DUSP10: variants seen among roughly 807,000 people sequenced by gnomAD.
The protein encoded by DUSP10 is dual specificity protein phosphatase 10.
DUSP10 carries 14 observed loss-of-function variants against 30.8 expected under a neutral mutation model. That is an observed-to-expected ratio of 0.46 (90% CI 0.30 to 0.71). DUSP10 has a LOEUF of 0.71. Among genes scored for constraint, DUSP10 ranks in the 30% least tolerant of loss-of-function variants. The probability of loss-of-function intolerance (pLI) is 0.08; values close to 1 mark genes in which losing one functional copy is unlikely to be tolerated. For synonymous variants in DUSP10, 254 were observed against 250.4 expected, an observed-to-expected ratio of 1.01 and a Z score of -0.14; for missense variants, 550 against 619.4, an observed-to-expected ratio of 0.89 and a Z score of 1.19.
intron 2 of DUSP10, among the ~76,000 whole-genome samples, chr1:221,733,763 A>G (rs1030118938): frequency 6.6e-6 from 1 of 152,272 alleles, no homozygotes; most frequent in African/African-American, 2.4e-5. Context: ...CTAAAGGCAT[A>G]CAGTTGGTCA....
At chr1:221,731,000 A>G (rs1296050294) in intron 2 of DUSP10, among the ~76,000 whole-genome samples, 1 of 152,162 alleles carries the variant, frequency 6.6e-6, no homozygotes, top group East Asian at 1.9e-4. Context: ...TATAAAATGT[A>G]TATTTTTAAA....
At chr1:221,717,456 A>G (rs894725244) in intron 2 of DUSP10, among the ~76,000 whole-genome samples, 4 of 118,458 alleles carry the variant, frequency 3.4e-5, no homozygotes, top group African/African-American at 1.3e-4. Context: ...GGGGAAAAGA[A>G]ACAGAGAGAG....
At chr1:221,725,396 G>C (rs1661397075) in intron 2 of DUSP10, among the ~76,000 whole-genome samples, 1 of 152,096 alleles carries the variant, frequency 6.6e-6, no homozygotes, top group Non-Finnish European at 1.5e-5. Context: ...CCCAATCTTT[G>C]TAAGAGAGGG....
intron 2 of DUSP10, among the ~76,000 whole-genome samples, chr1:221,729,182 A>T (rs145425080): frequency 3.3e-5 from 5 of 152,222 alleles, no homozygotes; most frequent in African/African-American, 1.2e-4. Flanking sequence ...TTTATTCCTT[A>T]AAAAACTGTC....
At chr1:221,719,591 C>A (rs1259265408) in intron 2 of DUSP10, among the ~76,000 whole-genome samples, 1 of 152,180 alleles carries the variant, frequency 6.6e-6, no homozygotes, top group Non-Finnish European at 1.5e-5. Context: ...ATATTGTCAA[C>A]ATGGACTTGA....
intron 2 of DUSP10, among the ~76,000 whole-genome samples, chr1:221,731,600 CTTTTTTTTTT>C (rs917122714): frequency 8.4e-6 from 1 of 119,230 alleles, no homozygotes; most frequent in East Asian, 2.5e-4. Flanking sequence ...TAGGCTATTT[CTTTTTTTTTT>C]TTTTTTTTTT....
At chr1:221,723,935 A>G (rs1184440957) in intron 2 of DUSP10, among the ~76,000 whole-genome samples, 2 of 152,206 alleles carry the variant, frequency 1.3e-5, no homozygotes, top group Non-Finnish European at 2.9e-5. Context: ...GAACTAATAC[A>G]AAGCCCTGAC....
rs1283190490 is a variant in DUSP10, at chr1:221,727,008, A to G, written c.811+11926T>C. Among the ~76,000 whole-genome samples the G allele has an allele frequency of 7.9e-5, 12 of 152,164 alleles. No homozygotes were observed. The East Asian group carries it at 1.2e-3, about 15-fold the overall frequency. On this transcript the variant is annotated intron_variant, in intron 2 of 3. Transcript: ENST00000366899. ...TTCTACATATGTTATCTAATTCTCA[A>G]TTGAGCCCATGAGAAAAGAGCCATT...
chr1:221,711,251 C>G (rs1013049192), intron 2 of DUSP10, among the ~76,000 whole-genome samples: 2 of 152,192 alleles, frequency 1.3e-5, no homozygotes, highest in Non-Finnish European at 2.9e-5. Flanking sequence ...TAATGTGATT[C>G]AGAAGCAATG....
chr1:221,725,100 T>C (rs921729228), intron 2 of DUSP10, among the ~76,000 whole-genome samples: 2 of 152,124 alleles, frequency 1.3e-5, no homozygotes, highest in African/African-American at 2.4e-5. Context: ...CACTGAGTCA[T>C]TGAGCAACTG....
At chr1:221,705,267 G>C (rs1242147797) in intron 3 of DUSP10, among the ~76,000 whole-genome samples, 1 of 151,938 alleles carries the variant, frequency 6.6e-6, no homozygotes, top group African/African-American at 2.4e-5. Flanking sequence ...GCACCACCAC[G>C]CCTGGCTAAT....
chr1:221,707,544 A>G (rs1660803555), intron 2 of DUSP10, among the ~76,000 whole-genome samples: 1 of 152,174 alleles, frequency 6.6e-6, no homozygotes, highest in Non-Finnish European at 1.5e-5. Context: ...CTCCATTTTT[A>G]AAATGCAAAC....
At chr1:221,710,765 T>C (rs1244982225) in intron 2 of DUSP10, among the ~76,000 whole-genome samples, 3 of 152,230 alleles carry the variant, frequency 2.0e-5, no homozygotes, top group Non-Finnish European at 4.4e-5. Flanking sequence ...AAACACTGTC[T>C]TTGCATTTCT....
At chr1:221,736,862 TC>T (rs1277047790) in intron 2 of DUSP10, 1 of 985,290 alleles carries the variant, frequency 1.0e-6, no homozygotes, top group Non-Finnish European at 1.2e-6. Context: ...CAGAGCATCT[TC>T]CAAGTCGACT....
At chr1:221,708,708 A>T (rs934769136) in intron 2 of DUSP10, among the ~76,000 whole-genome samples, 1 of 152,210 alleles carries the variant, frequency 6.6e-6, no homozygotes. Flanking sequence ...GACTTAAAAA[A>T]TAAATAAGAT....
At chr1:221,730,450 G>C (rs74949676) in intron 2 of DUSP10, among the ~76,000 whole-genome samples, 1,862 of 152,302 alleles carry the variant, frequency 0.012, 45 homozygotes, top group African/African-American at 0.043. Flanking sequence ...GGTAAGGCAA[G>C]AAAGCAAAAT....
Position 221,702,620 on chromosome 1 carries a change from C to A in DUSP10, c.1241G>T (p.Arg414Leu). Residue 414 changes from arginine to leucine, a missense_variant, in exon 4 of 4, where the codon CGC becomes CTC. Coordinates refer to ENST00000366899, the MANE Select transcript of DUSP10 (RefSeq NM_007207.6). This position sits in a 1 kb window ranked among gnomAD's most constrained non-coding sequence, Gnocchi z 4.5. The part of the protein sequence containing the change: ...LLIHCQAGVS[R>L]SATIVIAYLM... ...GTAAGCGATGACGATGGTGGCGGAGCGGGACACCCCAGCCTGGCAGTGGAT... is the reference window on the plus strand; with the variant it reads ...GTAAGCGATGACGATGGTGGCGGAGAGGGACACCCCAGCCTGGCAGTGGAT... 1 of 1,614,040 alleles carries A rather than the reference C, an allele frequency of 6.2e-7. No homozygotes were observed.
chr1:221,704,495 C>A (rs145718757), intron 3 of DUSP10, among the ~76,000 whole-genome samples: 61 of 152,320 alleles, frequency 4.0e-4, no homozygotes, highest in Non-Finnish European at 7.3e-4. Context: ...AACATCACAT[C>A]ATGTATCAAC....
Position 221,738,966 on chromosome 1 carries a change from T to C in DUSP10, c.779A>G (p.Lys260Arg). The C allele has an allele frequency of 6.2e-7, 1 of 1,613,462 alleles. No individual in the cohort carries two copies. Among genetic ancestry groups the C allele is most frequent in the South Asian group, 1.1e-5 (1 of 91,004 alleles). Residue 260 changes from lysine to arginine, a missense_variant, in exon 2 of 4, where the codon AAG becomes AGG. By Grantham distance (26) the Lys-to-Arg change is conservative. Coordinates refer to ENST00000366899, the MANE Select transcript of DUSP10 (RefSeq NM_007207.6). The stretch of plus-strand genomic sequence containing the variant: ...CACCAGAGGTTCTTTGCCTTCTCTC[T>C]TCAGGGACTCGAGGACTATGTGAAG... ...QPLHIVLESL[K>R]REGKEPLVLK...
Sources: allele counts gnomAD v4.1 joint callset (sites outside exome capture counted in the v4.1 genomes callset), GRCh38; gene constraint gnomAD v4.1.1; non-coding constraint Gnocchi (gnomAD v3.1); transcripts MANE v1.5; gene names NCBI Gene and HGNC (gene_info 2026-07-23, HGNC 2026-07-21).